NELL2: variants seen among roughly 807,000 people sequenced by gnomAD.
NELL2 encodes protein kinase C-binding protein NELL2.
A neutral mutation model predicts 109.6 loss-of-function variants in NELL2; 41 were observed. The observed-to-expected ratio is 0.37, with a 90% CI of 0.29 to 0.49. The LOEUF is 0.49. Ranked by LOEUF, NELL2 falls within the 20% of genes least tolerant of loss-of-function variation. NELL2 has a pLI of 0.98. For synonymous variants in NELL2, 355 were observed against 344.7 expected (o/e 1.03, Z -0.33); for missense variants, 900 against 1,008.3 (o/e 0.89, Z 1.45).
chr12:44,733,026 A>G lies in NELL2; in HGVS notation c.995-18285T>C, dbSNP rs528874295. ...TCACCTCACATCTGCTAGGATTGTC[A>G]TTACCAAAAACAAACAAATATAAAC... On this transcript the variant is annotated intron_variant, in intron 9 of 19. Coordinates refer to ENST00000429094, the MANE Select transcript of NELL2 (RefSeq NM_001145108.2). Among the ~76,000 whole-genome samples, 459 of 152,144 alleles carry G rather than the reference A, an allele frequency of 3.0e-3. 3 individuals carry two copies. Among genetic ancestry groups the G allele is most frequent in the African/African-American group, 0.01 (434 of 41,566 alleles).
chr12:44,715,384 A>G (rs953362198), intron 9 of NELL2, among the ~76,000 whole-genome samples: 2 of 151,408 alleles, frequency 1.3e-5, no homozygotes, highest in Non-Finnish European at 2.9e-5. Flanking sequence ...TTTTTAATCC[A>G]TAAAAATGCA....
At chr12:44,612,256 A>T (rs1050029351) in intron 13 of NELL2, among the ~76,000 whole-genome samples, 1 of 152,052 alleles carries the variant, frequency 6.6e-6, no homozygotes, top group African/African-American at 2.4e-5. Flanking sequence ...TTAAAAAAAT[A>T]AAAATTGTCA....
chr12:44,793,164 G>A (rs1220876799), intron 3 of NELL2, among the ~76,000 whole-genome samples: 1 of 152,074 alleles, frequency 6.6e-6, no homozygotes, highest in East Asian at 1.9e-4. Flanking sequence ...TATAACATAT[G>A]TATGAAGTAA....
chr12:44,876,750 A>G (rs991567339), upstream of NELL2: 28 of 1,508,960 alleles, frequency 1.9e-5, no homozygotes, highest in Non-Finnish European at 1.9e-5. Context: ...TGGGCTCCGG[A>G]GCAGCCCCGG....
intron 13 of NELL2, among the ~76,000 whole-genome samples, chr12:44,627,495 C>T (rs1381054733): frequency 1.3e-5 from 2 of 150,432 alleles, no homozygotes; most frequent in East Asian, 1.9e-4. Context: ...TAGAGTGGTC[C>T]GCTGTACAAC....
intron 2 of NELL2, 95 bp from the exon 3 acceptor site, chr12:44,816,231 T>A (rs1451563038): frequency 9.3e-7 from 1 of 1,079,578 alleles, no homozygotes; most frequent in Non-Finnish European, 1.3e-6. Context: ...TTATCAAGTT[T>A]ATCAGTAGCA....
intron 15 of NELL2, among the ~76,000 whole-genome samples, chr12:44,567,843 C>T (rs7955046): frequency 0.1 from 15,185 of 152,022 alleles, 2,579 homozygotes; most frequent in African/African-American, 0.35. Flanking sequence ...CATATTCCTT[C>T]CCTTTATAGA....
At chr12:44,716,476 C>T (rs1717759347) in intron 9 of NELL2, among the ~76,000 whole-genome samples, 1 of 152,076 alleles carries the variant, frequency 6.6e-6, no homozygotes, top group African/African-American at 2.4e-5. Context: ...TACTATCTAT[C>T]ATATTATGAA....
At chr12:44,581,532 T>G (rs1250886651) in intron 15 of NELL2, among the ~76,000 whole-genome samples, 1 of 152,194 alleles carries the variant, frequency 6.6e-6, no homozygotes, top group East Asian at 1.9e-4. Context: ...CTGAAAGGAA[T>G]GAGTTTTAGC....
intron 13 of NELL2, among the ~76,000 whole-genome samples, chr12:44,659,107 T>C (rs1947634781): frequency 6.6e-6 from 1 of 152,064 alleles, no homozygotes; most frequent in African/African-American, 2.4e-5. Flanking sequence ...GGGAAAGAAT[T>C]CCCTATTTAA....
chr12:44,735,943 A>G (rs1939614699), intron 9 of NELL2, among the ~76,000 whole-genome samples: 1 of 151,794 alleles, frequency 6.6e-6, no homozygotes, highest in Non-Finnish European at 1.5e-5. Context: ...AGAGACTCAA[A>G]GTTCAGGTTA....
At chr12:44,619,701 T>G (rs1266016006) in intron 13 of NELL2, among the ~76,000 whole-genome samples, 2 of 152,012 alleles carry the variant, frequency 1.3e-5, no homozygotes, top group East Asian at 3.9e-4. Flanking sequence ...AGAAAGAAAC[T>G]TGAGTGCTTA....
chr12:44,668,353 C>A (rs1277494038), intron 12 of NELL2, among the ~76,000 whole-genome samples: 2 of 152,116 alleles, frequency 1.3e-5, no homozygotes, highest in East Asian at 1.9e-4. Flanking sequence ...TACCATGTAC[C>A]CATACTTGCC....
At chr12:44,891,372 C>G (rs748680392) in intron 1 of NELL2, among the ~76,000 whole-genome samples, 2 of 152,204 alleles carry the variant, frequency 1.3e-5, no homozygotes, top group Non-Finnish European at 1.5e-5. Flanking sequence ...CTAGCAGATT[C>G]ACATGCAATA....
intron 15 of NELL2, among the ~76,000 whole-genome samples, chr12:44,593,064 T>G (rs1041466538): frequency 7.9e-5 from 12 of 152,118 alleles, no homozygotes; most frequent in Non-Finnish European, 1.8e-4. Flanking sequence ...CAGGCATAGG[T>G]GATTCCAGTA....
intron 9 of NELL2, among the ~76,000 whole-genome samples, chr12:44,731,243 T>C (rs539871358): frequency 2.1e-4 from 32 of 152,084 alleles, no homozygotes; most frequent in Non-Finnish European, 4.0e-4. Context: ...TCCAAACTTA[T>C]TTATGAGGCC....
At chr12:44,597,799 C>G (rs1434670366) in intron 15 of NELL2, among the ~76,000 whole-genome samples, 2 of 151,806 alleles carry the variant, frequency 1.3e-5, no homozygotes, top group African/African-American at 2.4e-5. Context: ...AAGACAGACA[C>G]CTAAAGAAAA....
At chr12:44,818,906 CT>C (rs1240562175) in intron 2 of NELL2, among the ~76,000 whole-genome samples, 1 of 150,718 alleles carries the variant, frequency 6.6e-6, no homozygotes, top group African/African-American at 2.4e-5. Context: ...CCGCGCCCAG[CT>C]AATTTTTTGT....
chr12:44,514,126 C>T (rs1446244875), intron 19 of NELL2, among the ~76,000 whole-genome samples: 2 of 151,738 alleles, frequency 1.3e-5, no homozygotes, highest in Non-Finnish European at 3.0e-5. Context: ...AGAATATCAC[C>T]TTTAAAGTTC....
Sources: allele counts gnomAD v4.1 joint callset (sites outside exome capture counted in the v4.1 genomes callset), GRCh38; gene constraint gnomAD v4.1.1; transcripts MANE v1.5; gene names NCBI Gene and HGNC (gene_info 2026-07-23, HGNC 2026-07-21).